The following INPP4B variants were observed in gnomAD, a reference collection of about 807,000 sequenced individuals.
INPP4B encodes inositol polyphosphate 4-phosphatase type II.
A neutral mutation model predicts 122.5 loss-of-function variants in INPP4B; 55 were observed. The ratio of observed to expected loss-of-function variants is 0.45; its 90% CI spans 0.36 to 0.56. The LOEUF (loss-of-function observed/expected upper bound fraction) is 0.56. INPP4B is among the 20% of genes least tolerant of loss of function. INPP4B has a pLI of 0.00. For missense variants in INPP4B, 1,000 were observed against 1,097.7 expected, an observed-to-expected ratio of 0.91 and a Z score of 1.26; for synonymous variants, 403 against 388.7, an observed-to-expected ratio of 1.04 and a Z score of -0.43.
chr4:142,123,372 C>T lies in INPP4B; in HGVS notation c.1937G>A (p.Ser646Asn), dbSNP rs1797371570. 6.2e-6 allele frequency: 10 copies of T among 1,612,936 alleles called. No homozygotes were observed. The highest frequency in any genetic ancestry group is 8.5e-6 in the Non-Finnish European group (10 of 1,179,344). The change falls in exon 20 of 26, where the codon AGT becomes AAT. Residue 646 changes from serine to asparagine, a missense_variant. Ser to Asn is a conservative substitution (Grantham distance 46, BLOSUM62 1). Coordinates refer to ENST00000262992, the MANE Select transcript of INPP4B (RefSeq NM_001101669.3). ...VCGFIIKLQT[S>N]LYDPGFLQQL... is the part of the protein sequence containing the mutation. ...CTGTAGGAAGCCTGGGTCATACAGA[C>T]TTGTCTGTAATTTGATGATAAAACC...
chr4:142,097,558 G>C (rs1782516509), intron 23 of INPP4B, among the ~76,000 whole-genome samples: 1 of 151,922 alleles, frequency 6.6e-6, no homozygotes, highest in Admixed American at 6.6e-5. Flanking sequence ...TGCCTGGCCT[G>C]ATTTGCATAT....
At chr4:142,776,091 AC>A (rs1430839280) in intron 1 of INPP4B, among the ~76,000 whole-genome samples, 1 of 152,048 alleles carries the variant, frequency 6.6e-6, no homozygotes, top group Non-Finnish European at 1.5e-5. Context: ...TTATTTCTCT[AC>A]CCCAACGATG....
At chr4:142,293,507 AC>A (rs759055517) in intron 9 of INPP4B, among the ~76,000 whole-genome samples, 1 of 152,078 alleles carries the variant, frequency 6.6e-6, no homozygotes, top group East Asian at 1.9e-4. Flanking sequence ...GTCTTATTCT[AC>A]ATATTTTATT....
At chr4:142,094,494 A>G (rs1211507147) in intron 23 of INPP4B, among the ~76,000 whole-genome samples, 2 of 152,222 alleles carry the variant, frequency 1.3e-5, no homozygotes, top group African/African-American at 4.8e-5. Context: ...CTCAAAATTT[A>G]GGCAGAGAAG....
intron 25 of INPP4B, among the ~76,000 whole-genome samples, chr4:142,034,728 G>T (rs2152295084): frequency 6.6e-6 from 1 of 152,084 alleles, no homozygotes; most frequent in African/African-American, 2.4e-5. Context: ...GATGTCCTCT[G>T]CTCAGAGCAC....
At chr4:142,793,149 T>C (rs1776782273) in intron 1 of INPP4B, among the ~76,000 whole-genome samples, 1 of 152,086 alleles carries the variant, frequency 6.6e-6, no homozygotes, top group Admixed American at 6.6e-5. Context: ...GATAAAAACA[T>C]ATGGAATACC....
At chr4:142,399,306 C>T (rs1254068295) in intron 7 of INPP4B, among the ~76,000 whole-genome samples, 1 of 142,756 alleles carries the variant, frequency 7.0e-6, no homozygotes, top group Non-Finnish European at 1.5e-5. Context: ...AAGATATTCT[C>T]CTGCCTCAGC....
chr4:142,705,398 T>C (rs937217914), intron 2 of INPP4B, among the ~76,000 whole-genome samples: 6 of 151,560 alleles, frequency 4.0e-5, no homozygotes, highest in African/African-American at 1.5e-4. Context: ...AATTGATCAG[T>C]AAAAATTCTG....
intron 8 of INPP4B, among the ~76,000 whole-genome samples, chr4:142,308,068 C>T (rs1764115422): frequency 6.6e-6 from 1 of 152,098 alleles, no homozygotes; most frequent in South Asian, 2.1e-4. Context: ...TTCACCAGAC[C>T]AGGAGCTCCT....
intron 2 of INPP4B, among the ~76,000 whole-genome samples, chr4:142,644,255 A>C (rs1252472979): frequency 7.1e-6 from 1 of 140,540 alleles, no homozygotes; most frequent in African/African-American, 2.6e-5. Flanking sequence ...AAGAGAAGGA[A>C]GGGGGTCAGG....
At chr4:142,239,477 G>T (rs866412866) in intron 11 of INPP4B, among the ~76,000 whole-genome samples, 1 of 152,002 alleles carries the variant, frequency 6.6e-6, no homozygotes, top group African/African-American at 2.4e-5. Flanking sequence ...TTGTCAATTT[G>T]GTTGTTTACA....
At chr4:142,743,103 G>T (rs1454297811) in intron 1 of INPP4B, among the ~76,000 whole-genome samples, 2 of 151,966 alleles carry the variant, frequency 1.3e-5, no homozygotes, top group African/African-American at 4.8e-5. Context: ...ACTTGTCTTG[G>T]ATTAGTCCAT....
At chr4:142,168,650 G>C (rs762817323) in intron 16 of INPP4B, among the ~76,000 whole-genome samples, 2 of 151,452 alleles carry the variant, frequency 1.3e-5, no homozygotes, top group Non-Finnish European at 3.0e-5. Context: ...AACTATTCCC[G>C]GGCCTGTGTG....
At chr4:142,735,924 AACACACACACACACACACAC>A (rs33993491) in intron 1 of INPP4B, among the ~76,000 whole-genome samples, 3 of 142,630 alleles carry the variant, frequency 2.1e-5, no homozygotes, top group South Asian at 2.4e-4. Flanking sequence ...TATACATTGC[AACACACACACACACACACAC>A]ACACACACAC....
chr4:142,702,584 G>C (rs1302421002), intron 2 of INPP4B, among the ~76,000 whole-genome samples: 1 of 151,910 alleles, frequency 6.6e-6, no homozygotes, highest in Non-Finnish European at 1.5e-5. Flanking sequence ...TACAAAATTA[G>C]CTGGGCGTGG....
intron 21 of INPP4B, among the ~76,000 whole-genome samples, chr4:142,115,200 G>A (rs1414801992): frequency 6.6e-6 from 1 of 152,154 alleles, no homozygotes; most frequent in African/African-American, 2.4e-5. Context: ...TTACCTGAAA[G>A]TGACAGGGAC....
intron 1 of INPP4B, among the ~76,000 whole-genome samples, chr4:142,831,329 C>T (rs1782110323): frequency 6.6e-6 from 1 of 152,168 alleles, no homozygotes; most frequent in South Asian, 2.1e-4. Context: ...CCAGATATGG[C>T]TTTGCTTTAG....
chr4:142,757,279 A>G (rs1318009664), intron 1 of INPP4B, among the ~76,000 whole-genome samples: 1 of 152,120 alleles, frequency 6.6e-6, no homozygotes, highest in Non-Finnish European at 1.5e-5. Context: ...GATATCTACA[A>G]TGACACATCA....
intron 16 of INPP4B, 84 bp downstream of exon 16, chr4:142,173,548 T>TGA: frequency 1.8e-6 from 2 of 1,130,018 alleles, no homozygotes; most frequent in Non-Finnish European, 2.6e-6. Context: ...CCAGATGCTA[T>TGA]GAATGGCGAT....
Sources: gnomAD v4.1 joint callset for allele counts (sites outside exome capture counted in the v4.1 genomes callset) on GRCh38, gnomAD v4.1.1 for gene constraint, MANE v1.5 for transcripts, NCBI Gene and HGNC (gene_info 2026-07-23, HGNC 2026-07-21) for gene names.